The following SEPTIN9 variants were observed in gnomAD, a reference collection of about 807,000 sequenced individuals.
SEPTIN9 encodes the protein septin-9.
In SEPTIN9, 13 loss-of-function variants were observed where a neutral mutation model predicts 56.6. That is an observed-to-expected ratio of 0.23 (90% CI 0.15 to 0.37). SEPTIN9 has a LOEUF of 0.37. Ranked by LOEUF, SEPTIN9 falls within the 10% of genes least tolerant of loss-of-function variation. The pLI is 1.00. For synonymous variants in SEPTIN9, 332 were observed against 334.1 expected (o/e 0.99, Z 0.07); for missense variants, 650 against 823.1 (o/e 0.79, Z 2.57).
chr17:77,458,106 C>T (rs1012632313), intron 3 of SEPTIN9, among the ~76,000 whole-genome samples: 6 of 152,172 alleles, frequency 3.9e-5, no homozygotes, highest in Non-Finnish European at 8.8e-5. Flanking sequence ...TAACCTCTTC[C>T]CCTGGTATTT....
chr17:77,407,433 A>AC (rs1401517000), intron 3 of SEPTIN9, among the ~76,000 whole-genome samples: 2 of 151,380 alleles, frequency 1.3e-5, no homozygotes, highest in Non-Finnish European at 2.9e-5. Flanking sequence ...AGATGTAGTG[A>AC]CCCCCATGGG....
chr17:77,399,423 C>T (rs1042152476), intron 2 of SEPTIN9, among the ~76,000 whole-genome samples: 1 of 152,150 alleles, frequency 6.6e-6, no homozygotes, highest in Non-Finnish European at 1.5e-5. Context: ...ACCCATAGGA[C>T]AGAGGCACAC....
chr17:77,451,316 C>T lies in SEPTIN9; in HGVS notation c.722-30828C>T. 2.1e-6 allele frequency: 2 copies of T among 971,498 alleles called. No individual in the cohort carries two copies. The highest frequency in any genetic ancestry group is 4.8e-5 in the South Asian group (1 of 21,006). 60.2% of individuals were successfully genotyped at this position (971,498 alleles called of 1,614,324 possible). A position where few individuals can be genotyped will look rare whatever the true frequency, so the allele number is the denominator to read the frequency against. Reference sequence around the variant, plus strand: ...TCTCTGCCTGCCCCCTCCTCCTGCTCCCCTCGCCCTGCCCCCTTGGAGCAA... The same window carrying T: ...TCTCTGCCTGCCCCCTCCTCCTGCTTCCCTCGCCCTGCCCCCTTGGAGCAA... On this transcript the variant is annotated intron_variant, in intron 3 of 11. Transcript: ENST00000427177. The surrounding 1 kb of genome is among the most constrained non-coding windows in gnomAD (Gnocchi z 4.2).
rs1251204596 is a variant in SEPTIN9, at chr17:77,429,381, G to A, written c.721+26678G>A. ...CTGGCTCTCGCAGGTTGCAAAATGG[G>A]GACATCACCGTCCGCCTGGGCTACA... On this transcript the variant is annotated intron_variant, in intron 3 of 11. Coordinates refer to ENST00000427177, the MANE Select transcript of SEPTIN9 (RefSeq NM_001113491.2). This position sits in a 1 kb window ranked among gnomAD's most constrained non-coding sequence, Gnocchi z 5.2. 2 of 431,140 alleles carry A rather than the reference G, an allele frequency of 4.6e-6. No homozygotes were observed. Among genetic ancestry groups the A allele is most frequent in the East Asian group, 1.4e-4 (2 of 14,014 alleles). 26.7% of individuals were successfully genotyped at this position (431,140 alleles called of 1,614,324 possible). A position where few individuals can be genotyped will look rare whatever the true frequency, so the allele number is the denominator to read the frequency against.
rs3047463 is a variant in SEPTIN9, at chr17:77,475,415, CTG to C, written c.722-6727_722-6726del. ...AGGAGGGAGCAGCCCTGGCCGGACA[CTG>C]TCCTCCTAGCATTGCCTGCATCAGG... is the stretch of plus-strand genomic sequence containing the variant. On this transcript the variant is annotated intron_variant, in intron 3 of 11. Coordinates refer to ENST00000427177, the MANE Select transcript of SEPTIN9 (RefSeq NM_001113491.2). The surrounding 1 kb of genome is among the most constrained non-coding windows in gnomAD (Gnocchi z 4.6). The C allele has an allele frequency of 0.021, 30,895 of 1,476,704 alleles. 4,884 individuals carry two copies. The African/African-American group carries it at 0.36, about 17-fold the overall frequency. The allele number at this position is 1,476,704 out of a possible 1,614,324, so 91.5% of individuals were successfully genotyped here. A position where few individuals can be genotyped will look rare whatever the true frequency, so the allele number is the denominator to read the frequency against.
intron 3 of SEPTIN9, among the ~76,000 whole-genome samples, chr17:77,431,574 C>T (rs994648526): frequency 6.6e-6 from 1 of 152,032 alleles, no homozygotes; most frequent in Non-Finnish European, 1.5e-5. Context: ...CGGTGGTTCA[C>T]GTCTATAATC....
In SEPTIN9 at chr17:77,481,173, C is replaced by A. The variant is rs574595337; in HGVS notation, c.722-971C>A. Among the ~76,000 whole-genome samples the A allele has an allele frequency of 1.3e-3, 199 of 152,364 alleles. 1 individual carries two copies. The highest frequency in any genetic ancestry group is 4.5e-3 in the African/African-American group (188 of 41,590). ...TCTTCCGGGCGTCCGCCCCCAGCCCCAGGCCTCTGACCCGTGTGTGGTGTC... is the reference window on the plus strand; with the variant it reads ...TCTTCCGGGCGTCCGCCCCCAGCCCAAGGCCTCTGACCCGTGTGTGGTGTC... On this transcript the variant is annotated intron_variant, in intron 3 of 11. Transcript: ENST00000427177.
intron 2 of SEPTIN9, among the ~76,000 whole-genome samples, chr17:77,392,186 G>C (rs892000628): frequency 6.6e-6 from 1 of 152,210 alleles, no homozygotes; most frequent in African/African-American, 2.4e-5. Context: ...TGCAGAGTGA[G>C]CCAGGCCTCT....
intron 3 of SEPTIN9, among the ~76,000 whole-genome samples, chr17:77,428,164 G>A (rs1236931529): frequency 6.6e-6 from 1 of 152,182 alleles, no homozygotes; most frequent in Non-Finnish European, 1.5e-5. Flanking sequence ...GATTTAGCCG[G>A]ATCTCTGACT....
chr17:77,464,841 C>T (rs1343948923), intron 3 of SEPTIN9, among the ~76,000 whole-genome samples: 1 of 151,906 alleles, frequency 6.6e-6, no homozygotes, highest in Non-Finnish European at 1.5e-5. Flanking sequence ...GATCCACCCG[C>T]CTCAGCCTCC....
intron 3 of SEPTIN9, among the ~76,000 whole-genome samples, chr17:77,438,221 ACT>A (rs906206174): frequency 1.3e-5 from 2 of 152,038 alleles, no homozygotes; most frequent in African/African-American, 2.4e-5. Flanking sequence ...ACACTGCCTC[ACT>A]CTGCGCTGAC....
chr17:77,402,730 A>C lies in SEPTIN9; in HGVS notation c.721+27A>C. The C allele has an allele frequency of 1.3e-6, 2 of 1,531,162 alleles. No individual in the cohort carries two copies. Among genetic ancestry groups the C allele is most frequent in the Non-Finnish European group, 1.8e-6 (2 of 1,142,848 alleles). The allele number at this position is 1,531,162 out of a possible 1,614,324, so 94.8% of individuals were successfully genotyped here. A position where few individuals can be genotyped will look rare whatever the true frequency, so the allele number is the denominator to read the frequency against. On this transcript the variant is annotated intron_variant, in intron 3 of 11. Coordinates refer to ENST00000427177, the MANE Select transcript of SEPTIN9 (RefSeq NM_001113491.2). The surrounding 1 kb of genome is among the most constrained non-coding windows in gnomAD (Gnocchi z 6.6). ...TGAGTCGCAGAGCGCTAGGTCTTGG[A>C]TGCTGTGGTAATGGGGGGCCTGGTT...
At position 77,421,711 on chromosome 17, in the gene SEPTIN9, C is replaced by T. The variant is rs531075559; in HGVS notation, c.721+19008C>T. Among the ~76,000 whole-genome samples the T allele has an allele frequency of 3.2e-4, 49 of 152,306 alleles. No homozygotes were observed. Among genetic ancestry groups the T allele is most frequent in the African/African-American group, 1.2e-3 (49 of 41,556 alleles). On this transcript the variant is annotated intron_variant, in intron 3 of 11. Coordinates refer to ENST00000427177, the MANE Select transcript of SEPTIN9 (RefSeq NM_001113491.2). The surrounding 1 kb of genome is among the most constrained non-coding windows in gnomAD (Gnocchi z 4.6). The stretch of plus-strand genomic sequence containing the variant: ...GGGCTGAGCTCTCTGCCTCGGCCGA[C>T]GTCTTTCCCCAGGCACTTCCTCTCA...
intron 2 of SEPTIN9, among the ~76,000 whole-genome samples, chr17:77,316,719 TA>T (rs67160404): frequency 0.23 from 33,987 of 146,260 alleles, 4,121 homozygotes; most frequent in Middle Eastern, 0.3. Context: ...TTTTTTTTTT[TA>T]ATTTGAGACA....
chr17:77,467,257 C>T (rs1425692939), intron 3 of SEPTIN9, among the ~76,000 whole-genome samples: 1 of 152,168 alleles, frequency 6.6e-6, no homozygotes, highest in Non-Finnish European at 1.5e-5. Context: ...TCTAAGGGGC[C>T]CCCCTGCCTC....
At chr17:77,293,092 T>C (rs748678760) in intron 1 of SEPTIN9, among the ~76,000 whole-genome samples, 3 of 152,014 alleles carry the variant, frequency 2.0e-5, no homozygotes, top group Non-Finnish European at 4.4e-5. Flanking sequence ...TCACAGCTCA[T>C]GGCAGCCTTG....
intron 3 of SEPTIN9, among the ~76,000 whole-genome samples, chr17:77,422,620 T>A (rs1300395795): frequency 6.6e-6 from 1 of 152,178 alleles, no homozygotes; most frequent in Non-Finnish European, 1.5e-5. Flanking sequence ...TCAGGGCTGG[T>A]CCCGGGGAGC....
intron 3 of SEPTIN9, among the ~76,000 whole-genome samples, chr17:77,480,631 G>T (rs1001479660): frequency 6.6e-6 from 1 of 152,216 alleles, no homozygotes; most frequent in Admixed American, 6.5e-5. Context: ...TGAGCCCCCT[G>T]CAGCCTCCCG....
At position 77,472,552 on chromosome 17, in the gene SEPTIN9, C is replaced by A. The variant is rs181481973; in HGVS notation, c.722-9592C>A. On this transcript the variant is annotated intron_variant, in intron 3 of 11. Transcript: ENST00000427177. ...GTTAGTCACCAAGAAGGAGAAAACA[C>A]CAACAGGGGAACTGTAAAGCTGCAG... 17 of 152,358 alleles carry A rather than the reference C, an allele frequency of 1.1e-4. No individual in the cohort carries two copies. The East Asian group carries it at 2.3e-3, about 21-fold the overall frequency. 9.4% of individuals were successfully genotyped at this position (152,358 alleles called of 1,614,324 possible).
Sources: allele counts gnomAD v4.1 joint callset (sites outside exome capture counted in the v4.1 genomes callset), GRCh38; gene constraint gnomAD v4.1.1; non-coding constraint Gnocchi (gnomAD v3.1); transcripts MANE v1.5; gene names NCBI Gene and HGNC (gene_info 2026-07-23, HGNC 2026-07-21).